The following ANXA8 variants were observed in gnomAD, a reference collection of about 807,000 sequenced individuals.
ANXA8 encodes the protein VAC-beta.
A neutral mutation model predicts 26.8 loss-of-function variants in ANXA8; 9 were observed. The observed-to-expected ratio is 0.34, with a 90% confidence interval of 0.20 to 0.59. ANXA8 has a LOEUF of 0.59. Among genes scored for constraint, ANXA8 ranks in the 20% least tolerant of loss-of-function variants. The pLI, the probability that ANXA8 is intolerant of heterozygous loss-of-function variation, is 0.84. For synonymous variants in ANXA8, 39 were observed against 94.8 expected, an observed-to-expected ratio of 0.41 and a Z score of 3.42; for missense variants, 83 against 238.5, an observed-to-expected ratio of 0.35 and a Z score of 4.29.
chr10:47,632,007 A>C, the ANXA8 span, among the ~76,000 whole-genome samples: 1 of 152,226 alleles, frequency 6.6e-6, no homozygotes, highest in Admixed American at 6.5e-5. Context: ...CACTGCTTAA[A>C]GATTAGGTTG....
the ANXA8 span, among the ~76,000 whole-genome samples, chr10:47,900,879 G>A: frequency 6.6e-6 from 1 of 151,168 alleles, no homozygotes; most frequent in African/African-American, 2.4e-5. Context: ...AGTACCTTGA[G>A]AAAGAAAATA....
the ANXA8 span, among the ~76,000 whole-genome samples, chr10:47,615,993 C>A: frequency 2.9e-5 from 2 of 68,450 alleles, no homozygotes; most frequent in Non-Finnish European, 7.1e-5. Context: ...GGCATTGAGT[C>A]TTTTGATAAT....
At chr10:47,675,755 C>T in the ANXA8 span, among the ~76,000 whole-genome samples, 1 of 151,642 alleles carries the variant, frequency 6.6e-6, no homozygotes, top group Admixed American at 6.6e-5. Flanking sequence ...GACCAAAGGT[C>T]AAGAGAAGAA....
At chr10:47,928,822 C>A in the ANXA8 span, among the ~76,000 whole-genome samples, 1 of 115,860 alleles carries the variant, frequency 8.6e-6, no homozygotes, top group Admixed American at 9.3e-5. Flanking sequence ...GTGGCATGAA[C>A]ATAGCTCACT....
the ANXA8 span, among the ~76,000 whole-genome samples, chr10:47,528,351 T>C: frequency 4.4e-5 from 6 of 137,292 alleles, 1 homozygote; most frequent in African/African-American, 1.6e-4. Context: ...AGTCTGGGAT[T>C]ACAGGCGTGA....
At chr10:47,669,765 T>A in the ANXA8 span, among the ~76,000 whole-genome samples, 1 of 151,942 alleles carries the variant, frequency 6.6e-6, no homozygotes. Flanking sequence ...TTTAGCACAA[T>A]TTGGGGAAGA....
the ANXA8 span, among the ~76,000 whole-genome samples, chr10:47,954,662 T>C: frequency 6.6e-6 from 1 of 151,102 alleles, no homozygotes; most frequent in Admixed American, 6.6e-5. Context: ...CCTCATGTAC[T>C]CCATAAATAT....
the ANXA8 span, among the ~76,000 whole-genome samples, chr10:47,624,155 T>C: frequency 3.1e-5 from 3 of 96,502 alleles, 1 homozygote; most frequent in Non-Finnish European, 6.4e-5. Flanking sequence ...GGCAGGAGAA[T>C]GGCGTGAACC....
chr10:47,640,025 C>A, the ANXA8 span, among the ~76,000 whole-genome samples: 3 of 139,484 alleles, frequency 2.2e-5, no homozygotes, highest in Admixed American at 7.1e-5. Context: ...CTCCTGGGTT[C>A]ACACCATCCT....
the ANXA8 span, among the ~76,000 whole-genome samples, chr10:47,688,466 G>A: frequency 6.6e-6 from 1 of 150,850 alleles, no homozygotes; most frequent in Non-Finnish European, 1.5e-5. Flanking sequence ...TTGTCGCCCA[G>A]GCTGGAGTGC....
chr10:47,619,483 G>T, the ANXA8 span, among the ~76,000 whole-genome samples: 1 of 115,328 alleles, frequency 8.7e-6, no homozygotes, highest in African/African-American at 3.4e-5. Context: ...AGTGGAGCAA[G>T]ATTTAAGCCT....
At chr10:47,577,519 A>G in the ANXA8 span, among the ~76,000 whole-genome samples, 36 of 133,528 alleles carry the variant, frequency 2.7e-4, no homozygotes, top group South Asian at 5.8e-3. Flanking sequence ...ATATAAATTA[A>G]AAAAATTAGC....
At chr10:47,488,805 G>A (rs1486960113), upstream of ANXA8, among the ~76,000 whole-genome samples, 36 of 125,370 alleles carry the variant, frequency 2.9e-4, no homozygotes, top group East Asian at 7.4e-3. Context: ...TCGGCTCACT[G>A]CAAGCTCCAC....
chr10:47,605,865 A>G, the ANXA8 span, among the ~76,000 whole-genome samples: 1 of 145,022 alleles, frequency 6.9e-6, no homozygotes, highest in African/African-American at 2.7e-5. Flanking sequence ...AGCATTATCA[A>G]CTTACTTTTG....
the ANXA8 span, among the ~76,000 whole-genome samples, chr10:47,776,918 G>A: frequency 6.6e-6 from 1 of 151,468 alleles, no homozygotes; most frequent in Non-Finnish European, 1.5e-5. Context: ...ATTGTGATGT[G>A]AGATGTTTCA....
At chr10:47,968,507 G>A in the ANXA8 span, among the ~76,000 whole-genome samples, 199 of 137,832 alleles carry the variant, frequency 1.4e-3, no homozygotes, top group African/African-American at 4.6e-3. Flanking sequence ...CCACCACCAC[G>A]ACTGCCACCA....
chr10:47,649,955 C>A, the ANXA8 span, among the ~76,000 whole-genome samples: 7 of 151,072 alleles, frequency 4.6e-5, no homozygotes, highest in South Asian at 4.2e-4. Flanking sequence ...CTCCTGTAAT[C>A]CCAACACTTT....
At chr10:47,949,352 AGAGACAAGGAGCTGG>A in the ANXA8 span, among the ~76,000 whole-genome samples, 1 of 149,626 alleles carries the variant, frequency 6.7e-6, no homozygotes, top group Non-Finnish European at 1.5e-5. Flanking sequence ...ACCCCTTATA[AGAGACAAGGAGCTGG>A]GTAACTGTGT....
chr10:47,478,431 G>A, intron 3 of ANXA8, 102 bp downstream of exon 3: 1 of 1,402,710 alleles, frequency 7.1e-7, no homozygotes, highest in Non-Finnish European at 9.7e-7. Flanking sequence ...GCTGCCAGTG[G>A]GCTGGCTCTA....
Sources: allele counts gnomAD v4.1 joint callset (sites outside exome capture counted in the v4.1 genomes callset), GRCh38; gene constraint gnomAD v4.1.1; transcripts MANE v1.5; gene names NCBI Gene and HGNC (gene_info 2026-07-23, HGNC 2026-07-21).